PCDH15: variants seen among roughly 807,000 people sequenced by gnomAD.
The protein encoded by PCDH15 is protocadherin-15.
A neutral mutation model predicts 178.5 loss-of-function variants in PCDH15; 129 were observed. The ratio of observed to expected loss-of-function variants is 0.72; its 90% CI spans 0.63 to 0.84. The LOEUF is 0.84. Ranked by LOEUF, PCDH15 falls within the 40% of genes least tolerant of loss-of-function variation. The pLI, the probability that PCDH15 is intolerant of heterozygous loss-of-function variation, is 0.00. For synonymous variants in PCDH15, 800 were observed against 732.0 expected (o/e 1.09, Z -1.50); for missense variants, 2,230 against 2,099.9 (o/e 1.06, Z -1.21).
chr10:55,271,240 C>G (rs777446748), intron 1 of PCDH15, among the ~76,000 whole-genome samples: 1 of 151,912 alleles, frequency 6.6e-6, no homozygotes, highest in Non-Finnish European at 1.5e-5. Flanking sequence ...CATGAACCTC[C>G]TGTTTCTAAA....
At chr10:54,544,182 C>T (rs1408095979) in intron 2 of PCDH15, among the ~76,000 whole-genome samples, 5 of 152,100 alleles carry the variant, frequency 3.3e-5, no homozygotes, top group African/African-American at 1.2e-4. Context: ...GCAAGTTTAG[C>T]AAAAGGGACT....
intron 5 of PCDH15, among the ~76,000 whole-genome samples, chr10:54,360,848 G>T (rs1404764654): frequency 3.3e-5 from 5 of 152,112 alleles, no homozygotes; most frequent in African/African-American, 1.2e-4. Context: ...AACTTGTGTT[G>T]ATTTGAATTG....
chr10:53,835,814 C>T (rs1182481187), intron 29 of PCDH15, among the ~76,000 whole-genome samples: 1 of 152,132 alleles, frequency 6.6e-6, no homozygotes, highest in East Asian at 1.9e-4. Context: ...ATTATAGACA[C>T]CCACAAACAC....
At chr10:55,240,696 C>A (rs1407147299) in intron 1 of PCDH15, among the ~76,000 whole-genome samples, 1 of 152,144 alleles carries the variant, frequency 6.6e-6, no homozygotes, top group Non-Finnish European at 1.5e-5. Context: ...TATGACAGTT[C>A]ACCAGAGCTC....
At chr10:54,655,150 G>A (rs2094349724) in intron 2 of PCDH15, 1 of 152,294 alleles carries the variant, frequency 6.6e-6, no homozygotes, top group Non-Finnish European at 1.5e-5. Context: ...GGCGGAGCTT[G>A]CAGTGAGCCG....
At chr10:53,817,911 CAA>C in intron 34 of PCDH15, 82 bp downstream of exon 34, 1 of 397,996 alleles carries the variant, frequency 2.5e-6, no homozygotes, top group Non-Finnish European at 4.4e-6. Context: ...TAAACTAGTT[CAA>C]AAGAATGTAC....
chr10:54,099,964 A>G (rs1251871280), intron 15 of PCDH15, among the ~76,000 whole-genome samples: 2 of 152,194 alleles, frequency 1.3e-5, no homozygotes, highest in Non-Finnish European at 2.9e-5. Context: ...TCTATTCTAA[A>G]TCATAAAATG....
chr10:54,015,537 T>C (rs1198528364), intron 20 of PCDH15, among the ~76,000 whole-genome samples: 1 of 152,170 alleles, frequency 6.6e-6, no homozygotes, highest in Non-Finnish European at 1.5e-5. Flanking sequence ...GGCATTGTCC[T>C]GGTACAAAAG....
chr10:54,139,223 A>G (rs2043163234), intron 14 of PCDH15, among the ~76,000 whole-genome samples: 1 of 152,028 alleles, frequency 6.6e-6, no homozygotes, highest in African/African-American at 2.4e-5. Flanking sequence ...TTGTTAGTTG[A>G]TTCTTGTGAG....
At chr10:54,452,118 T>C (rs2076516682) in intron 3 of PCDH15, among the ~76,000 whole-genome samples, 1 of 151,910 alleles carries the variant, frequency 6.6e-6, no homozygotes, top group Non-Finnish European at 1.5e-5. Flanking sequence ...ATATTCTGAT[T>C]AGTGAAGAAA....
At chr10:54,913,429 A>G (rs1954851028) in intron 2 of PCDH15, among the ~76,000 whole-genome samples, 1 of 152,180 alleles carries the variant, frequency 6.6e-6, no homozygotes, top group South Asian at 2.1e-4. Context: ...GCCTCTGCCC[A>G]AATTTCACAG....
chr10:54,921,323 AT>A (rs916700770), intron 2 of PCDH15, among the ~76,000 whole-genome samples: 11 of 129,122 alleles, frequency 8.5e-5, no homozygotes, highest in Non-Finnish European at 1.5e-4. Flanking sequence ...ATTTTTATTT[AT>A]TTTTTTTTAC....
At position 53,822,990 on chromosome 10, in the gene PCDH15, C is replaced by T. The variant is rs1434959194; in HGVS notation, c.4368-2760G>A. ...TTTCCTCATCAGCCTCCTGGGTAAG[C>T]TGACTGACTGACTCCACAGCCTCTG... On this transcript the variant is annotated intron_variant, in intron 32 of 37. Coordinates refer to ENST00000644397, the MANE Select transcript of PCDH15 (RefSeq NM_001384140.1). The T allele has an allele frequency of 1.2e-5, 19 of 1,613,968 alleles. No individual in the cohort carries two copies. Among genetic ancestry groups the T allele is most frequent in the Non-Finnish European group, 1.6e-5 (19 of 1,179,980 alleles).
At chr10:55,377,146 T>TAAAAAAAAAAAAAA (rs398054373) in intron 2 of PCDH15, among the ~76,000 whole-genome samples, 2 of 105,340 alleles carry the variant, frequency 1.9e-5, no homozygotes, top group Non-Finnish European at 4.0e-5. Context: ...CTTTCTTCAC[T>TAAAAAAAAAAAAAA]AAAAAAAAAA....
chr10:54,134,663 G>A (rs1465834169), intron 14 of PCDH15, among the ~76,000 whole-genome samples: 3 of 151,168 alleles, frequency 2.0e-5, no homozygotes, highest in Non-Finnish European at 4.4e-5. Context: ...TGAGGCAGGA[G>A]AATGGTGTGA....
chr10:54,432,637 T>C (rs2136019497), intron 3 of PCDH15, among the ~76,000 whole-genome samples: 1 of 152,052 alleles, frequency 6.6e-6, no homozygotes, highest in East Asian at 1.9e-4. Flanking sequence ...TACAAAAAAT[T>C]GAAGAAACTC....
At chr10:54,870,666 G>A (rs534458574) in intron 3 of PCDH15, among the ~76,000 whole-genome samples, 6 of 151,860 alleles carry the variant, frequency 4.0e-5, no homozygotes, top group Admixed American at 6.6e-5. Flanking sequence ...GGCGCCTGTA[G>A]TCCCAGCTAC....
rs189491418 is a variant in PCDH15, at chr10:54,134,624, G to A, written c.1785-1617C>T. On this transcript the variant is annotated intron_variant, in intron 14 of 37. Coordinates refer to ENST00000644397, the MANE Select transcript of PCDH15 (RefSeq NM_001384140.1). ...AAAAATTAGCTTGGCGTGGTTGCGG[G>A]CGCCTGGGGTCCCAGCTACTTGGGA... Among the ~76,000 whole-genome samples, 985 of 151,668 alleles carry A rather than the reference G, an allele frequency of 6.5e-3. 8 individuals carry two copies. The highest frequency in any genetic ancestry group is 0.022 in the African/African-American group (908 of 41,340).
At chr10:54,758,452 T>G (rs1310506050) in intron 1 of PCDH15, among the ~76,000 whole-genome samples, 1 of 152,216 alleles carries the variant, frequency 6.6e-6, no homozygotes, top group African/African-American at 2.4e-5. Flanking sequence ...CCATCATGTT[T>G]ACAAAATGGC....
Sources: allele counts gnomAD v4.1 joint callset (sites outside exome capture counted in the v4.1 genomes callset), GRCh38; gene constraint gnomAD v4.1.1; transcripts MANE v1.5; gene names NCBI Gene and HGNC (gene_info 2026-07-23, HGNC 2026-07-21).